Variants in COL23A1 observed in about 807,000 individuals in gnomAD.
COL23A1 encodes the protein collagen alpha-1(XXIII) chain.
A neutral mutation model predicts 99.3 loss-of-function variants in COL23A1; 97 were observed. The ratio of observed to expected loss-of-function variants is 0.98; its 90% CI spans 0.83 to 1.16. COL23A1 has a LOEUF of 1.16. COL23A1 is among the 50% of genes most tolerant of loss of function. The probability of loss-of-function intolerance (pLI) is 0.00; values close to 1 mark genes in which losing one functional copy is unlikely to be tolerated. For missense variants in COL23A1, 762 were observed against 757.4 expected (o/e 1.01, Z -0.07); for synonymous variants, 320 against 308.2 (o/e 1.04, Z -0.40).
chr5:178,420,279 C>T (rs942749881), intron 2 of COL23A1, among the ~76,000 whole-genome samples: 5 of 152,104 alleles, frequency 3.3e-5, no homozygotes, highest in Admixed American at 1.3e-4. Flanking sequence ...CAAACAAGAG[C>T]GCCCGTGGGC....
At chr5:178,258,236 A>AATAT (rs70994992) in intron 12 of COL23A1, among the ~76,000 whole-genome samples, 2,386 of 71,800 alleles carry the variant, frequency 0.033, 154 homozygotes, top group African/African-American at 0.089. Flanking sequence ...CCTGTCTTAA[A>AATAT]ATATATATAT....
At chr5:178,491,191 G>T (rs898453989) in intron 2 of COL23A1, among the ~76,000 whole-genome samples, 2 of 151,888 alleles carry the variant, frequency 1.3e-5, no homozygotes, top group Non-Finnish European at 2.9e-5. Context: ...GAACGAGGAG[G>T]GGGGAGATTA....
At chr5:178,475,669 A>ACAAGTCTATGCC (rs1442538223) in intron 2 of COL23A1, among the ~76,000 whole-genome samples, 1 of 152,216 alleles carries the variant, frequency 6.6e-6, no homozygotes, top group African/African-American at 2.4e-5. Flanking sequence ...TCTATAGGTC[A>ACAAGTCTATGCC]CAAGTCTATG....
At chr5:178,456,258 T>C (rs1767787388) in intron 2 of COL23A1, among the ~76,000 whole-genome samples, 2 of 152,208 alleles carry the variant, frequency 1.3e-5, no homozygotes, top group South Asian at 2.1e-4. Context: ...TATAATTCCA[T>C]GGCAAACATG....
At chr5:178,539,826 T>G (rs1431194484) in intron 2 of COL23A1, among the ~76,000 whole-genome samples, 1 of 152,144 alleles carries the variant, frequency 6.6e-6, no homozygotes, top group Non-Finnish European at 1.5e-5. Context: ...AGAACACATA[T>G]TAGACCATCT....
chr5:178,285,430 C>T (rs1046924505), intron 5 of COL23A1, among the ~76,000 whole-genome samples: 1 of 152,182 alleles, frequency 6.6e-6, no homozygotes, highest in Non-Finnish European at 1.5e-5. Flanking sequence ...CCAAAAAATG[C>T]TTTTTCTAAA....
intron 2 of COL23A1, among the ~76,000 whole-genome samples, chr5:178,397,834 A>G (rs1227985268): frequency 3.3e-5 from 5 of 152,140 alleles, no homozygotes; most frequent in Non-Finnish European, 7.3e-5. Context: ...TAAAAATACA[A>G]AACTTAGCTG....
chr5:178,562,269 A>C, intron 1 of COL23A1: 4 of 320,244 alleles, frequency 1.2e-5, no homozygotes, highest in East Asian at 8.7e-5. Context: ...AAAAAAAAGA[A>C]TGGAGCCGCG....
chr5:178,285,080 C>T (rs1757083231), intron 5 of COL23A1, among the ~76,000 whole-genome samples: 1 of 152,206 alleles, frequency 6.6e-6, no homozygotes, highest in South Asian at 2.1e-4. Flanking sequence ...CCTCTGTACA[C>T]GGAGGGCATG....
At chr5:178,496,931 G>A (rs930269023) in intron 2 of COL23A1, among the ~76,000 whole-genome samples, 1 of 152,200 alleles carries the variant, frequency 6.6e-6, no homozygotes, top group African/African-American at 2.4e-5. Context: ...ATGGGAGCGT[G>A]AGACCTGATT....
intron 1 of COL23A1, among the ~76,000 whole-genome samples, chr5:178,570,752 T>G (rs1307088350): frequency 6.6e-6 from 1 of 151,742 alleles, no homozygotes; most frequent in Non-Finnish European, 1.5e-5. Context: ...GCTGAGCACA[T>G]GGAGGGGGGA....
intron 2 of COL23A1, among the ~76,000 whole-genome samples, chr5:178,480,458 A>C (rs1218714202): frequency 6.6e-6 from 1 of 152,044 alleles, no homozygotes; most frequent in East Asian, 1.9e-4. Context: ...AACCTGGTGC[A>C]CCTCCCACCC....
At chr5:178,256,733 AG>A (rs1765320581) in intron 14 of COL23A1, 132 bp downstream of exon 14, 1 of 836,912 alleles carries the variant, frequency 1.2e-6, no homozygotes, top group Non-Finnish European at 1.8e-6. Flanking sequence ...GAGAGTGCTG[AG>A]GGAGACCCCT....
chr5:178,558,963 T>C (rs1762417155), intron 2 of COL23A1, among the ~76,000 whole-genome samples: 1 of 152,116 alleles, frequency 6.6e-6, no homozygotes, highest in Admixed American at 6.6e-5. Context: ...TAATTTTTTA[T>C]ATTTTTTGTA....
At chr5:178,459,365 T>C (rs1554170918) in intron 2 of COL23A1, among the ~76,000 whole-genome samples, 1 of 152,196 alleles carries the variant, frequency 6.6e-6, no homozygotes, top group Non-Finnish European at 1.5e-5. Context: ...GATGTTTACA[T>C]ATGAAACAAG....
At chr5:178,494,386 G>A (rs551499259) in intron 2 of COL23A1, among the ~76,000 whole-genome samples, 23 of 152,292 alleles carry the variant, frequency 1.5e-4, no homozygotes, top group Admixed American at 2.0e-4. Context: ...GGGAGGATGG[G>A]GGTTGCTCCC....
At position 178,584,848 on chromosome 5, in the gene COL23A1, G is replaced by A. The variant is rs567980336; in HGVS notation, c.294+5056C>T. Among the ~76,000 whole-genome samples the A allele has an allele frequency of 3.3e-5, 5 of 152,300 alleles. 1 individual carries two copies. In the South Asian group the frequency reaches 6.2e-4, roughly 19 times the overall value. On this transcript the variant is annotated intron_variant, in intron 1 of 28. Coordinates refer to ENST00000390654, the MANE Select transcript of COL23A1 (RefSeq NM_173465.4). ...GGTCCTTCGGGGCTGGGGAGTGGCT[G>A]GTCACCTCCAGCCTAGTGTCCTCTT...
intron 1 of COL23A1, among the ~76,000 whole-genome samples, chr5:178,570,371 G>C (rs550825009): frequency 6.6e-6 from 1 of 152,102 alleles, no homozygotes; most frequent in South Asian, 2.1e-4. Flanking sequence ...TCGGCCTCCC[G>C]AAGTGCTGGG....
At chr5:178,393,579 G>GT (rs574195411) in intron 2 of COL23A1, among the ~76,000 whole-genome samples, 47 of 151,924 alleles carry the variant, frequency 3.1e-4, no homozygotes, top group Non-Finnish European at 5.6e-4. Flanking sequence ...TTCAGATCAT[G>GT]TGAGACCAGC....
Sources: gnomAD v4.1 joint callset for allele counts (sites outside exome capture counted in the v4.1 genomes callset) on GRCh38, gnomAD v4.1.1 for gene constraint, MANE v1.5 for transcripts, NCBI Gene and HGNC (gene_info 2026-07-23, HGNC 2026-07-21) for gene names.